The following MIPOL1 variants were observed in gnomAD, a reference collection of about 807,000 sequenced individuals.
MIPOL1 encodes mirror-image polydactyly 1, also known as mirror-image polydactyly gene 1 protein.
Under a neutral mutation model 60.9 loss-of-function variants are expected in MIPOL1, and 57 were observed. The observed-to-expected ratio is 0.94, with a 90% CI of 0.76 to 1.17. The LOEUF (loss-of-function observed/expected upper bound fraction) is 1.17, where lower values mean the gene tolerates loss of function less well. MIPOL1 is among the 50% of genes most tolerant of loss of function. MIPOL1 has a pLI of 0.00. For missense variants in MIPOL1, 551 were observed against 511.6 expected (o/e 1.08, Z -0.74); for synonymous variants, 179 against 168.8 (o/e 1.06, Z -0.47).
intron 10 of MIPOL1, among the ~76,000 whole-genome samples, chr14:37,404,170 T>C (rs945674436): frequency 6.6e-5 from 10 of 152,220 alleles, no homozygotes; most frequent in African/African-American, 2.4e-4. Context: ...GAAAGTGGTG[T>C]CTACAAACTA....
At chr14:37,224,482 A>G (rs1003467427) in intron 1 of MIPOL1, among the ~76,000 whole-genome samples, 4 of 152,214 alleles carry the variant, frequency 2.6e-5, no homozygotes, top group Admixed American at 2.0e-4. Flanking sequence ...CACATCTCAC[A>G]TGGTGGCAGA....
At chr14:37,339,794 C>T (rs1035503082) in intron 9 of MIPOL1, among the ~76,000 whole-genome samples, 2 of 152,036 alleles carry the variant, frequency 1.3e-5, no homozygotes, top group African/African-American at 4.8e-5. Flanking sequence ...TGAAATAACC[C>T]ATGCTATTAC....
At chr14:37,456,295 C>A (rs1054865492) in intron 11 of MIPOL1, among the ~76,000 whole-genome samples, 1 of 151,948 alleles carries the variant, frequency 6.6e-6, no homozygotes, top group African/African-American at 2.4e-5. Flanking sequence ...TATTCCTCAA[C>A]CTAAATAAAT....
At chr14:37,450,032 C>T (rs137932346) in intron 11 of MIPOL1, among the ~76,000 whole-genome samples, 8,751 of 152,130 alleles carry the variant, frequency 0.058, 878 homozygotes, top group African/African-American at 0.2. Flanking sequence ...AGGCTGGTCT[C>T]GAACTCCTGA....
At chr14:37,486,560 C>T (rs953608946) in intron 11 of MIPOL1, among the ~76,000 whole-genome samples, 10 of 151,976 alleles carry the variant, frequency 6.6e-5, no homozygotes, top group Admixed American at 3.9e-4. Flanking sequence ...CCTTGTGAAT[C>T]GTATTCCTAG....
At chr14:37,382,129 G>T (rs2092940763) in intron 10 of MIPOL1, among the ~76,000 whole-genome samples, 1 of 151,980 alleles carries the variant, frequency 6.6e-6, no homozygotes, top group Admixed American at 6.6e-5. Context: ...CTGGTCAAAT[G>T]AAATTTTTTC....
chr14:37,543,377 G>C (rs949794901), intron 12 of MIPOL1, among the ~76,000 whole-genome samples: 3 of 152,122 alleles, frequency 2.0e-5, no homozygotes, highest in African/African-American at 7.2e-5. Flanking sequence ...CCAGGTTCAA[G>C]CAGTTCTTGT....
Position 37,496,890 on chromosome 14 carries a change from G to A in MIPOL1, c.1032-3018G>A, listed in dbSNP as rs1345897137. On this transcript the variant is annotated intron_variant, in intron 11 of 12. Coordinates refer to ENST00000684589, the MANE Select transcript of MIPOL1 (RefSeq NM_001388067.1). ...CAAAGCTGGAGGCATCACACTACCT[G>A]ACTTCAAACTATACTACAAGGCTAC... Among the ~76,000 whole-genome samples, 15 of 151,804 alleles carry A rather than the reference G, an allele frequency of 9.9e-5. No individual in the cohort carries two copies. In the East Asian group the frequency reaches 2.5e-3, roughly 26 times the overall value.
At chr14:37,478,773 C>T (rs2094816914) in intron 11 of MIPOL1, among the ~76,000 whole-genome samples, 1 of 151,862 alleles carries the variant, frequency 6.6e-6, no homozygotes, top group Non-Finnish European at 1.5e-5. Context: ...TATTCTTAGA[C>T]AATTTAATTC....
chr14:37,431,573 T>TTTC (rs2094067284), intron 11 of MIPOL1, among the ~76,000 whole-genome samples: 1 of 100,510 alleles, frequency 9.9e-6, no homozygotes, highest in Admixed American at 1.1e-4. Context: ...CTGTTTCTTT[T>TTTC]TTTTTTTTTT....
At chr14:37,536,440 G>A (rs1307516062) in intron 12 of MIPOL1, among the ~76,000 whole-genome samples, 3 of 152,132 alleles carry the variant, frequency 2.0e-5, no homozygotes, top group Non-Finnish European at 4.4e-5. Flanking sequence ...CCGTATTTGA[G>A]TTAAAGCTTT....
intron 9 of MIPOL1, among the ~76,000 whole-genome samples, chr14:37,349,660 A>G (rs988754021): frequency 2.0e-5 from 3 of 152,176 alleles, no homozygotes; most frequent in African/African-American, 7.2e-5. Flanking sequence ...TCTATGTGAA[A>G]TTGCAATTTC....
At chr14:37,475,782 A>ATT (rs1355764478) in intron 11 of MIPOL1, among the ~76,000 whole-genome samples, 1 of 151,928 alleles carries the variant, frequency 6.6e-6, no homozygotes, top group East Asian at 1.9e-4. Context: ...CCATTGATCG[A>ATT]TTTTTCTATT....
At chr14:37,541,131 G>A (rs1217204711) in intron 12 of MIPOL1, among the ~76,000 whole-genome samples, 1 of 151,998 alleles carries the variant, frequency 6.6e-6, no homozygotes, top group Non-Finnish European at 1.5e-5. Flanking sequence ...ACTCACTCTG[G>A]ATCTTCTTGT....
intron 7 of MIPOL1, among the ~76,000 whole-genome samples, chr14:37,305,465 A>G (rs954242655): frequency 2.0e-5 from 3 of 151,788 alleles, no homozygotes; most frequent in African/African-American, 4.8e-5. Context: ...CTTTTGTACT[A>G]TGGAGGCAGA....
At chr14:37,512,866 G>A (rs1386213373) in intron 12 of MIPOL1, among the ~76,000 whole-genome samples, 1 of 152,062 alleles carries the variant, frequency 6.6e-6, no homozygotes, top group Non-Finnish European at 1.5e-5. Context: ...TAATAAGTGG[G>A]AGGAGACCTA....
Position 37,336,119 on chromosome 14 carries a change from T to G in MIPOL1, c.828+27600T>G, listed in dbSNP as rs992438844. Among the ~76,000 whole-genome samples, 6 of 150,974 alleles carry G rather than the reference T, an allele frequency of 4.0e-5. No homozygotes were observed. The East Asian group carries it at 1.2e-3, about 29-fold the overall frequency. On this transcript the variant is annotated intron_variant, in intron 9 of 12. Coordinates refer to ENST00000684589, the MANE Select transcript of MIPOL1 (RefSeq NM_001388067.1). ...CCAAATTCATGGTTTTTTTTTTTTT[T>G]TTTTGCATGTGGATATTCAGTTGTC...
intron 9 of MIPOL1, among the ~76,000 whole-genome samples, chr14:37,323,172 C>T (rs569331074): frequency 9.9e-4 from 151 of 152,168 alleles, no homozygotes; most frequent in African/African-American, 3.6e-3. Context: ...AAGAAGGCAT[C>T]CAGTTTCAGT....
chr14:37,371,812 G>C (rs916937643), intron 10 of MIPOL1, among the ~76,000 whole-genome samples: 2 of 151,806 alleles, frequency 1.3e-5, no homozygotes, highest in African/African-American at 4.8e-5. Context: ...GGAAGTTTTT[G>C]TTTTTTATTT....
Sources: allele counts gnomAD v4.1 joint callset (sites outside exome capture counted in the v4.1 genomes callset), GRCh38; gene constraint gnomAD v4.1.1; transcripts MANE v1.5; gene names NCBI Gene and HGNC (gene_info 2026-07-23, HGNC 2026-07-21).